Variants in FGF17 observed in about 807,000 individuals in gnomAD.
FGF17 encodes fibroblast growth factor 17.
A neutral mutation model predicts 23.5 loss-of-function variants in FGF17; 5 were observed. That is an observed-to-expected ratio of 0.21 (90% CI 0.11 to 0.45). The LOEUF is 0.45. FGF17 is among the 20% of genes least tolerant of loss of function. The pLI is 0.99. For synonymous variants in FGF17, 136 were observed against 123.0 expected (o/e 1.11, Z -0.70); for missense variants, 221 against 306.9 (o/e 0.72, Z 2.09).
Position 22,048,581 on chromosome 8 carries a change from A to G in FGF17, c.*332A>G. 2.9e-6 allele frequency: 1 copy of G among 345,062 alleles called. No individual in the cohort carries two copies. The highest frequency in any genetic ancestry group is 5.3e-6 in the Non-Finnish European group (1 of 189,606). The allele number at this position is 345,062 out of a possible 1,614,324, so 21.4% of individuals were successfully genotyped here. A position where few individuals can be genotyped will look rare whatever the true frequency, so the allele number is the denominator to read the frequency against. ...GAAGGCCTTGCAGACAACCGTCTGG[A>G]GGTGGCTGTCCTCAAAATCTGCTTC... On this transcript the variant is annotated 3_prime_UTR_variant, in exon 5 of 5. Transcript: ENST00000359441. The surrounding 1 kb of genome is among the most constrained non-coding windows in gnomAD (Gnocchi z 6.9).
chr8:22,042,672 C>T, upstream of FGF17: 1 of 601,630 alleles, frequency 1.7e-6, no homozygotes, highest in Non-Finnish European at 3.0e-6. Context: ...CGCACGCCCC[C>T]ACCCGCATCT....
chr8:22,043,193 T>C lies in FGF17; in HGVS notation c.72+12T>C, dbSNP rs1316012826. ...GCTGTCAAACTCAGGTAGGCGGGCA[T>C]TCCCACCGGCTTTCCCCCAATTTTT... On this transcript the variant is annotated intron_variant, in intron 2 of 4. Coordinates refer to ENST00000359441, the MANE Select transcript of FGF17 (RefSeq NM_003867.4). 5 of 1,612,994 alleles carry C rather than the reference T, an allele frequency of 3.1e-6. No individual in the cohort carries two copies. The highest frequency in any genetic ancestry group is 4.2e-6 in the Non-Finnish European group (5 of 1,179,906).
chr8:22,044,582 C>A (rs538971535), intron 2 of FGF17: 2 of 653,410 alleles, frequency 3.1e-6, no homozygotes, highest in South Asian at 1.3e-4. Context: ...GAACCTGGGC[C>A]AGGAGGCGGG....
chr8:22,043,188 G>A lies in FGF17; in HGVS notation c.72+7G>A, dbSNP rs149043820. 2.8e-4 allele frequency: 457 copies of A among 1,613,202 alleles called. No homozygotes were observed. The African/African-American group carries it at 4.8e-3, about 17-fold the overall frequency. ...TCTCTGCTGTCAAACTCAGGTAGGCGGGCATTCCCACCGGCTTTCCCCCAA... is the reference window on the plus strand; with the variant it reads ...TCTCTGCTGTCAAACTCAGGTAGGCAGGCATTCCCACCGGCTTTCCCCCAA... On this transcript the variant is annotated splice_region_variant and intron_variant, in intron 2 of 4. Transcript: ENST00000359441.
Position 22,042,919 on chromosome 8 carries a change from C to G in FGF17, c.-10C>G. 6.2e-7 allele frequency: 1 copy of G among 1,613,450 alleles called. No homozygotes were observed. Among genetic ancestry groups the G allele is most frequent in the South Asian group, 1.1e-5 (1 of 90,968 alleles). ...GCAGGGGGGCAACCGCCTGAGGAAC[C>G]TCTCCAGCGATGGGAGCCGCCCGCC... is the stretch of plus-strand genomic sequence containing the variant. On this transcript the variant is annotated 5_prime_UTR_variant, in exon 1 of 5. Coordinates refer to ENST00000359441, the MANE Select transcript of FGF17 (RefSeq NM_003867.4).
chr8:22,046,329 C>T (rs1471028082), intron 3 of FGF17, 38 bp downstream of exon 3: 14 of 1,593,462 alleles, frequency 8.8e-6, no homozygotes, highest in Non-Finnish European at 1.2e-5. Context: ...CCCACACCTC[C>T]ACTCTGCCTC....
rs1286667281 is a variant in FGF17, at chr8:22,048,294, C to T, written c.*45C>T. 14 of 1,463,174 alleles carry T rather than the reference C, an allele frequency of 9.6e-6. No individual in the cohort carries two copies. The East Asian group carries it at 3.2e-4, about 33-fold the overall frequency. 90.6% of individuals were successfully genotyped at this position (1,463,174 alleles called of 1,614,324 possible). ...CAGCCCCTGGGCCGCCTCCCCACCCCTTTCCCTTCTTAATCCAAGGACTGG... is the reference window on the plus strand; with the variant it reads ...CAGCCCCTGGGCCGCCTCCCCACCCTTTTCCCTTCTTAATCCAAGGACTGG... On this transcript the variant is annotated 3_prime_UTR_variant, in exon 5 of 5. Coordinates refer to ENST00000359441, the MANE Select transcript of FGF17 (RefSeq NM_003867.4). This position sits in a 1 kb window ranked among gnomAD's most constrained non-coding sequence, Gnocchi z 6.9.
At chr8:22,042,379 T>G, upstream of FGF17, 1 of 160,036 alleles carries the variant, frequency 6.2e-6, no homozygotes, top group Admixed American at 6.0e-5. Context: ...CTTCTGGGAA[T>G]TTCCACTCCA....
Position 22,046,237 on chromosome 8 carries a change from G to A in FGF17, c.196G>A (p.Val66Met), listed in dbSNP as rs1429207911. ...CTACAGCAGGACCAGTGGCAAGCAC[G>A]TGCAGGTCACCGGGCGTCGCATCTC... ...QLYSRTSGKH[V>M]QVTGRRISAT... The change falls in exon 3 of 5, where the codon GTG becomes ATG. Residue 66 changes from valine to methionine, a missense_variant. This residue lies in a region of FGF17 where 58 missense variants were observed against 121.0 expected (regional missense o/e 0.48). Coordinates refer to ENST00000359441, the MANE Select transcript of FGF17 (RefSeq NM_003867.4). The A allele has an allele frequency of 6.2e-7, 1 of 1,613,858 alleles. No individual in the cohort carries two copies. Among genetic ancestry groups the A allele is most frequent in the African/African-American group, 1.3e-5 (1 of 74,950 alleles).
intron 2 of FGF17, among the ~76,000 whole-genome samples, chr8:22,043,890 G>C (rs374607143): frequency 6.6e-6 from 1 of 152,138 alleles, no homozygotes; most frequent in Non-Finnish European, 1.5e-5. Context: ...GGGAGAGATC[G>C]CTTGGCTTTC....
At chr8:22,042,804 G>T, upstream of FGF17, 5 of 719,532 alleles carry the variant, frequency 6.9e-6, no homozygotes, top group South Asian at 5.0e-5. Flanking sequence ...TCTCCTCCTC[G>T]CCCCCCTGAA....
rs1190292371 is a variant in FGF17 at position 22,045,295 on chromosome 8, C to T, written c.73-819C>T. 4.1e-6 allele frequency: 4 copies of T among 985,988 alleles called. No homozygotes were observed. In the African/African-American group the frequency reaches 7.0e-5, roughly 17 times the overall value. 61.1% of individuals were successfully genotyped at this position (985,988 alleles called of 1,614,324 possible). A position where few individuals can be genotyped will look rare whatever the true frequency, so the allele number is the denominator to read the frequency against. ...CTGTTACATTGTGGCTAAGGAGCTG[C>T]CTGCCAGGGGCAGCCATTGGGCCAC... On this transcript the variant is annotated intron_variant, in intron 2 of 4. Coordinates refer to ENST00000359441, the MANE Select transcript of FGF17 (RefSeq NM_003867.4).
At chr8:22,040,650 C>T (rs983451919), upstream of FGF17, among the ~76,000 whole-genome samples, 5 of 152,228 alleles carry the variant, frequency 3.3e-5, no homozygotes, top group Admixed American at 2.6e-4. Flanking sequence ...GAAACAGGTG[C>T]TTGGGCTCAG....
At chr8:22,045,551 C>G (rs953056021) in intron 2 of FGF17, 2 of 997,114 alleles carry the variant, frequency 2.0e-6, no homozygotes, top group Admixed American at 1.1e-4. Context: ...TCATGGGACC[C>G]TGCAGGAGCT....
At chr8:22,043,573 C>T (rs900781) in intron 2 of FGF17, among the ~76,000 whole-genome samples, 20,068 of 152,148 alleles carry the variant, frequency 0.13, 1,441 homozygotes, top group African/African-American at 0.18. Flanking sequence ...GTATGTCCTT[C>T]TCGCCACCCC....
intron 2 of FGF17, chr8:22,045,297 T>A (rs1800841228): frequency 1.0e-6 from 1 of 986,056 alleles, no homozygotes; most frequent in African/African-American, 1.7e-5. Flanking sequence ...AGGAGCTGCC[T>A]GCCAGGGGCA....
chr8:22,047,213 C>T (rs1800912254), intron 4 of FGF17, among the ~76,000 whole-genome samples: 1 of 152,168 alleles, frequency 6.6e-6, no homozygotes. Context: ...AGCTTAGCAT[C>T]TACCTGACAC....
In FGF17 at chr8:22,048,252, T is replaced by C. The variant is rs1263760286; in HGVS notation, c.*3T>C. 3 of 1,594,632 alleles carry C rather than the reference T, an allele frequency of 1.9e-6. No individual in the cohort carries two copies. The highest frequency in any genetic ancestry group is 1.7e-5 in the Admixed American group (1 of 57,748). ...GGCGGCCCCAGCCCCTCACGTAGTC[T>C]GGGAGGCAGGGGGCAGCAGCCCCTG... On this transcript the variant is annotated 3_prime_UTR_variant, in exon 5 of 5. Transcript: ENST00000359441. This position sits in a 1 kb window ranked among gnomAD's most constrained non-coding sequence, Gnocchi z 6.9.
rs758348740 is a variant in FGF17, at chr8:22,048,239, C to T, written c.641C>T (p.Pro214Leu). ...ACCAAGCGCACACGGCGGCCCCAGC[C>T]CCTCACGTAGTCTGGGAGGCAGGGG... ...RRTKRTRRPQ[P>L]LT Residue 214 changes from proline to leucine, a missense_variant, in exon 5 of 5, where the codon CCC becomes CTC. Physicochemically the swap from Pro to Leu is moderately conservative, Grantham distance 98 (BLOSUM62 -3). Coordinates refer to ENST00000359441, the MANE Select transcript of FGF17 (RefSeq NM_003867.4). This position sits in a 1 kb window ranked among gnomAD's most constrained non-coding sequence, Gnocchi z 6.9. The T allele has an allele frequency of 1.9e-6, 3 of 1,605,052 alleles. No individual in the cohort carries two copies. In the South Asian group the frequency reaches 3.3e-5, roughly 18 times the overall value.
Sources: gnomAD v4.1 joint callset for allele counts (sites outside exome capture counted in the v4.1 genomes callset) on GRCh38, gnomAD v4.1.1 for gene constraint, gnomAD v4.1.1 regional missense constraint, Gnocchi (gnomAD v3.1) non-coding constraint, MANE v1.5 for transcripts, NCBI Gene and HGNC (gene_info 2026-07-23, HGNC 2026-07-21) for gene names.